CLVS1: variants seen among roughly 807,000 people sequenced by gnomAD.
CLVS1 encodes clavesin-1.
In CLVS1, 10 loss-of-function variants were observed where a neutral mutation model predicts 33.1. The ratio of observed to expected loss-of-function variants is 0.30; its 90% CI spans 0.19 to 0.51. The LOEUF is 0.51. CLVS1 is among the 20% of genes least tolerant of loss of function. The pLI is 0.97. For synonymous variants in CLVS1, 163 were observed against 166.1 expected (o/e 0.98, Z 0.14); for missense variants, 343 against 433.4 (o/e 0.79, Z 1.85).
At chr8:61,398,184 T>G (rs1348797291) in intron 3 of CLVS1, among the ~76,000 whole-genome samples, 2 of 149,074 alleles carry the variant, frequency 1.3e-5, no homozygotes, top group Non-Finnish European at 3.0e-5. Context: ...AGCTTTACTT[T>G]TTTTTTTTTT....
At chr8:61,205,510 G>A (rs528073679) in intron 2 of CLVS1, among the ~76,000 whole-genome samples, 10 of 152,286 alleles carry the variant, frequency 6.6e-5, no homozygotes, top group Non-Finnish European at 1.3e-4. Context: ...ACTCATCAGT[G>A]GATACTTGGG....
intron 1 of CLVS1, among the ~76,000 whole-genome samples, chr8:61,079,066 G>T (rs1162587170): frequency 6.6e-6 from 1 of 152,114 alleles, no homozygotes; most frequent in Non-Finnish European, 1.5e-5. Context: ...TTCTCTGAAA[G>T]ACGTTATTGG....
chr8:61,226,109 G>A (rs1169091154), intron 2 of CLVS1, among the ~76,000 whole-genome samples: 28 of 152,296 alleles, frequency 1.8e-4, no homozygotes, highest in Admixed American at 1.5e-3. Flanking sequence ...ATGCATGGAC[G>A]ATACCACCTA....
chr8:61,317,329 T>G (rs897215671), intron 2 of CLVS1, among the ~76,000 whole-genome samples: 1 of 152,184 alleles, frequency 6.6e-6, no homozygotes, highest in Non-Finnish European at 1.5e-5. Flanking sequence ...GAAGCCACTT[T>G]TACAATGACC....
At chr8:61,060,261 A>G (rs1004549646) in intron 1 of CLVS1, among the ~76,000 whole-genome samples, 11 of 152,072 alleles carry the variant, frequency 7.2e-5, no homozygotes, top group African/African-American at 2.7e-4. Context: ...GGATGAATTC[A>G]TTTTTCTATA....
At chr8:61,406,345 A>G (rs1036127472) in intron 3 of CLVS1, among the ~76,000 whole-genome samples, 1 of 152,252 alleles carries the variant, frequency 6.6e-6, no homozygotes, top group Non-Finnish European at 1.5e-5. Context: ...GAAAAGAAAT[A>G]GTGATAAAAA....
chr8:61,197,390 G>C lies in CLVS1; in HGVS notation c.-152+65530G>C, dbSNP rs1050288776. Among the ~76,000 whole-genome samples, 2 of 152,204 alleles carry C rather than the reference G, an allele frequency of 1.3e-5. 1 individual carries two copies. The highest frequency in any genetic ancestry group is 4.1e-4 in the South Asian group (2 of 4,822). On this transcript the variant is annotated intron_variant, in intron 2 of 2. Coordinates refer to the CLVS1 transcript ENST00000522621. Reference sequence around the variant, plus strand: ...GGTTTGTTTCTGGGTTCTCAATTCTGTTCCATTGGTCTATGTGTCTGTTTT... The same window carrying C: ...GGTTTGTTTCTGGGTTCTCAATTCTCTTCCATTGGTCTATGTGTCTGTTTT...
intron 3 of CLVS1, among the ~76,000 whole-genome samples, chr8:61,432,544 G>A (rs1307631459): frequency 1.3e-5 from 2 of 152,208 alleles, no homozygotes; most frequent in African/African-American, 4.8e-5. Flanking sequence ...TGCAAGCAAA[G>A]GAGAGAGGCC....
rs6987595 is a variant in CLVS1 at position 61,232,041 on chromosome 8, T to G, written c.-151-67636T>G. On this transcript the variant is annotated intron_variant, in intron 2 of 2. Coordinates refer to the CLVS1 transcript ENST00000522621. ...AGTTGTGGTTTTTTTTTTTTTTTTT[T>G]TTTTTTTTTGTGAGATGGAGTCTCG... Among the ~76,000 whole-genome samples, 722 of 115,762 alleles carry G rather than the reference T, an allele frequency of 6.2e-3. 41 individuals are homozygous for G. The highest frequency in any genetic ancestry group is 0.029 in the African/African-American group (616 of 20,896). The allele number at this position is 115,762 out of a possible 152,430, so 75.9% of individuals were successfully genotyped here.
chr8:61,350,041 C>T (rs1035101310), intron 2 of CLVS1, among the ~76,000 whole-genome samples: 2 of 152,008 alleles, frequency 1.3e-5, no homozygotes, highest in Non-Finnish European at 2.9e-5. Flanking sequence ...AAGCATTAAA[C>T]CATAGCATTA....
intron 1 of CLVS1, among the ~76,000 whole-genome samples, chr8:61,129,028 T>TG (rs1806034688): frequency 6.6e-6 from 1 of 152,258 alleles, no homozygotes; most frequent in Non-Finnish European, 1.5e-5. Context: ...AGCATGGTGT[T>TG]CACCGAGTCT....
intron 1 of CLVS1, among the ~76,000 whole-genome samples, chr8:61,106,057 T>C (rs1053323002): frequency 1.3e-5 from 2 of 152,202 alleles, no homozygotes; most frequent in African/African-American, 2.4e-5. Flanking sequence ...CATGCTATAG[T>C]TATTTGCCTG....
chr8:60,974,841 T>G, the CLVS1 span, among the ~76,000 whole-genome samples: 3 of 152,180 alleles, frequency 2.0e-5, no homozygotes, highest in African/African-American at 7.2e-5. Flanking sequence ...AATATTTTAT[T>G]TGTTATGGCT....
chr8:61,032,988 GGAAGGAAA>G, the CLVS1 span, among the ~76,000 whole-genome samples: 5,309 of 73,652 alleles, frequency 0.072, 301 homozygotes, highest in East Asian at 0.16. Flanking sequence ...AAGGAAGGAA[GGAAGGAAA>G]GAAAGAAAGA....
At chr8:61,391,770 T>C (rs1814314240) in intron 3 of CLVS1, among the ~76,000 whole-genome samples, 1 of 152,188 alleles carries the variant, frequency 6.6e-6, no homozygotes, top group Admixed American at 6.5e-5. Context: ...GATATTCCTT[T>C]AATAAAAAGA....
chr8:61,259,836 A>G (rs1809162333), intron 2 of CLVS1, among the ~76,000 whole-genome samples: 1 of 151,996 alleles, frequency 6.6e-6, no homozygotes, highest in Non-Finnish European at 1.5e-5. Flanking sequence ...CCTCAGCTGC[A>G]GCTGTGGGTA....
intron 5 of CLVS1, among the ~76,000 whole-genome samples, chr8:61,473,790 A>G (rs1394227408): frequency 6.6e-6 from 1 of 152,208 alleles, no homozygotes; most frequent in African/African-American, 2.4e-5. Flanking sequence ...TTGCATATGT[A>G]AAAGATGCAA....
At chr8:61,312,082 T>C (rs1467603912) in intron 2 of CLVS1, among the ~76,000 whole-genome samples, 1 of 152,232 alleles carries the variant, frequency 6.6e-6, no homozygotes, top group African/African-American at 2.4e-5. Flanking sequence ...GGGCTATTCA[T>C]TGCTTTCCCC....
At chr8:61,344,260 T>C (rs1293461815) in intron 2 of CLVS1, among the ~76,000 whole-genome samples, 1 of 152,184 alleles carries the variant, frequency 6.6e-6, no homozygotes, top group African/African-American at 2.4e-5. Flanking sequence ...TTAGTCAGGT[T>C]GGTCTTGAAC....
Sources: gnomAD v4.1 joint callset for allele counts (sites outside exome capture counted in the v4.1 genomes callset) on GRCh38, gnomAD v4.1.1 for gene constraint, MANE v1.5 for transcripts, NCBI Gene and HGNC (gene_info 2026-07-23, HGNC 2026-07-21) for gene names.